ZMAT3: variants seen among roughly 807,000 people sequenced by gnomAD.
ZMAT3 encodes zinc finger matrin-type protein 3.
Under a neutral mutation model 32.3 loss-of-function variants are expected in ZMAT3, and 17 were observed. That is an observed-to-expected ratio of 0.53 (90% CI 0.36 to 0.79). The LOEUF (loss-of-function observed/expected upper bound fraction) is 0.79. Among genes scored for constraint, ZMAT3 ranks in the 30% least tolerant of loss-of-function variants. ZMAT3 has a pLI of 0.00. For synonymous variants in ZMAT3, 120 were observed against 133.1 expected, an observed-to-expected ratio of 0.90 and a Z score of 0.68; for missense variants, 329 against 359.7, an observed-to-expected ratio of 0.91 and a Z score of 0.69.
At chr3:179,053,817 A>C (rs1233645672) in intron 2 of ZMAT3, among the ~76,000 whole-genome samples, 3 of 152,228 alleles carry the variant, frequency 2.0e-5, no homozygotes, top group African/African-American at 7.2e-5. Flanking sequence ...GATGATAAAA[A>C]GCAAAGAAAA....
intron 2 of ZMAT3, among the ~76,000 whole-genome samples, chr3:179,057,233 T>A (rs1226451487): frequency 1.3e-5 from 2 of 152,156 alleles, no homozygotes; most frequent in African/African-American, 4.8e-5. Context: ...GTGCAAGATC[T>A]CAGGATTATC....
intron 2 of ZMAT3, among the ~76,000 whole-genome samples, chr3:179,064,310 G>C (rs1344811192): frequency 6.6e-6 from 1 of 152,140 alleles, no homozygotes; most frequent in African/African-American, 2.4e-5. Context: ...AAATTAGTAA[G>C]TTTTTAGTCT....
rs1329709794 is a variant in ZMAT3, at chr3:179,024,542, T to C, written c.*475A>G. ...AATAATGTATTCTACTGACAATGCA[T>C]TGAGGTGGCGGTTCTGGTTAAGCCC... On this transcript the variant is annotated 3_prime_UTR_variant, in exon 6 of 6. Transcript: ENST00000311417. 1 of 161,568 alleles carries C rather than the reference T, an allele frequency of 6.2e-6. No homozygotes were observed. Among genetic ancestry groups the C allele is most frequent in the African/African-American group, 2.4e-5 (1 of 41,628 alleles). The allele number at this position is 161,568 out of a possible 1,614,324, so 10.0% of individuals were successfully genotyped here. A position where few individuals can be genotyped will look rare whatever the true frequency, so the allele number is the denominator to read the frequency against.
chr3:179,071,274 T>A (rs1435297474), intron 1 of ZMAT3: 1 of 152,144 alleles, frequency 6.6e-6, no homozygotes, highest in East Asian at 1.9e-4. Context: ...GTCGCCCACA[T>A]CCACCTTACA....
At chr3:179,047,303 G>T (rs1238285708) in intron 2 of ZMAT3, among the ~76,000 whole-genome samples, 5 of 152,162 alleles carry the variant, frequency 3.3e-5, no homozygotes, top group Admixed American at 6.5e-5. Flanking sequence ...CTAGAGGAAA[G>T]GTGAGAGCAC....
At chr3:179,041,289 G>T (rs1719912695) in intron 2 of ZMAT3, among the ~76,000 whole-genome samples, 1 of 152,116 alleles carries the variant, frequency 6.6e-6, no homozygotes, top group Admixed American at 6.5e-5. Context: ...ATTCTTCTCA[G>T]CACCACATCA....
chr3:179,064,996 T>C (rs2108588305), intron 2 of ZMAT3, among the ~76,000 whole-genome samples: 1 of 152,360 alleles, frequency 6.6e-6, no homozygotes, highest in Admixed American at 6.5e-5. Flanking sequence ...TTGCTCTGTA[T>C]TTTTACACAT....
chr3:179,052,233 T>G (rs1465487092), intron 2 of ZMAT3, among the ~76,000 whole-genome samples: 1 of 149,960 alleles, frequency 6.7e-6, no homozygotes, highest in South Asian at 2.1e-4. Context: ...GAGAAAATTT[T>G]TGCAATCTAC....
chr3:179,067,105 C>T (rs1478876448), intron 2 of ZMAT3, among the ~76,000 whole-genome samples: 2 of 152,186 alleles, frequency 1.3e-5, no homozygotes, highest in Non-Finnish European at 2.9e-5. Flanking sequence ...GAGTTCGGTA[C>T]ATCATGGGTT....
At chr3:179,049,861 G>A (rs923875257) in intron 2 of ZMAT3, among the ~76,000 whole-genome samples, 2 of 151,572 alleles carry the variant, frequency 1.3e-5, no homozygotes, top group Admixed American at 1.3e-4. Context: ...GCGTGGTGGT[G>A]GGCGCCTGTA....
Position 179,023,712 on chromosome 3 carries a change from T to TATATATATATATATA in ZMAT3, c.*1304_*1305insTATATATATATATAT, listed in dbSNP as rs1718686965. 2 of 17,862 alleles carry TATATATATATATATA rather than the reference T, an allele frequency of 1.1e-4. No individual in the cohort carries two copies. The highest frequency in any genetic ancestry group is 1.6e-4 in the Non-Finnish European group (2 of 12,490). The allele number at this position is 17,862 out of a possible 1,614,324, so 1.1% of individuals were successfully genotyped here. ...AAAATATATCTATATATATATATATTTTTTTTTTTTTTTTTTTTTTTTTTT... is the reference window on the plus strand; with the variant it reads ...AAAATATATCTATATATATATATATTATATATATATATATATTTTTTTTTTTTTTTTTTTTTTTTT... On this transcript the variant is annotated 3_prime_UTR_variant, in exon 6 of 6. Coordinates refer to ENST00000311417, the MANE Select transcript of ZMAT3 (RefSeq NM_022470.4).
Position 179,024,913 on chromosome 3 carries a change from T to C in ZMAT3, c.*104A>G. The stretch of plus-strand genomic sequence containing the variant: ...CACTGTGGGTTACATGTATTAACAT[T>C]AAGCAGAGGAATGTACTCATATCAA... On this transcript the variant is annotated 3_prime_UTR_variant, in exon 6 of 6. Coordinates refer to ENST00000311417, the MANE Select transcript of ZMAT3 (RefSeq NM_022470.4). 1 of 1,159,504 alleles carries C rather than the reference T, an allele frequency of 8.6e-7. No homozygotes were observed. The highest frequency in any genetic ancestry group is 1.3e-6 in the Non-Finnish European group (1 of 787,118). The allele number at this position is 1,159,504 out of a possible 1,614,324, so 71.8% of individuals were successfully genotyped here. A position where few individuals can be genotyped will look rare whatever the true frequency, so the allele number is the denominator to read the frequency against.
intron 3 of ZMAT3, 33 bp downstream of exon 3, chr3:179,030,847 T>C: frequency 6.3e-7 from 1 of 1,599,664 alleles, no homozygotes. Flanking sequence ...GCTTCCACCC[T>C]AATGCTGCTT....
chr3:179,025,755 TATA>T (rs1268228198), intron 5 of ZMAT3, among the ~76,000 whole-genome samples: 4 of 152,198 alleles, frequency 2.6e-5, no homozygotes, highest in Non-Finnish European at 5.9e-5. Context: ...CATTGCTAAA[TATA>T]ATAATGCTAT....
chr3:179,038,822 C>T (rs570463268), intron 2 of ZMAT3, among the ~76,000 whole-genome samples: 4 of 152,312 alleles, frequency 2.6e-5, no homozygotes, highest in South Asian at 4.1e-4. Flanking sequence ...GAAGCCGTGA[C>T]GGACTGCACC....
At chr3:179,041,889 ATG>A (rs1230659642) in intron 2 of ZMAT3, among the ~76,000 whole-genome samples, 4 of 152,196 alleles carry the variant, frequency 2.6e-5, no homozygotes, top group African/African-American at 4.8e-5. Flanking sequence ...CAATAAAAAA[ATG>A]ATAAAGGGGA....
chr3:179,038,737 C>T (rs541305633), intron 2 of ZMAT3, among the ~76,000 whole-genome samples: 207 of 152,252 alleles, frequency 1.4e-3, no homozygotes, highest in Non-Finnish European at 2.4e-3. Flanking sequence ...CCACAGAGGA[C>T]GAACTGAAGC....
chr3:179,054,037 T>C (rs559696675), intron 2 of ZMAT3, among the ~76,000 whole-genome samples: 25 of 152,268 alleles, frequency 1.6e-4, no homozygotes, highest in African/African-American at 6.0e-4. Context: ...GTTTGGGGAG[T>C]CTGAATAAGG....
intron 2 of ZMAT3, among the ~76,000 whole-genome samples, chr3:179,032,238 G>A (rs1263704005): frequency 4.6e-5 from 7 of 151,740 alleles, no homozygotes; most frequent in South Asian, 2.1e-4. Context: ...TCCTGACCGC[G>A]AGTGATCTGC....
Sources: allele counts gnomAD v4.1 joint callset (sites outside exome capture counted in the v4.1 genomes callset), GRCh38; gene constraint gnomAD v4.1.1; transcripts MANE v1.5; gene names NCBI Gene and HGNC (gene_info 2026-07-23, HGNC 2026-07-21).